The following SNTG1 variants were observed in gnomAD, a reference collection of about 807,000 sequenced individuals.
SNTG1 encodes gamma-1-syntrophin.
In SNTG1, 39 loss-of-function variants were observed where a neutral mutation model predicts 74.7. The observed-to-expected ratio is 0.52, with a 90% CI of 0.40 to 0.68. SNTG1 has a LOEUF of 0.68. SNTG1 is among the 30% of genes least tolerant of loss of function. The pLI is 0.00. For missense variants in SNTG1, 685 were observed against 609.5 expected, an observed-to-expected ratio of 1.12 and a Z score of -1.30; for synonymous variants, 254 against 217.1, an observed-to-expected ratio of 1.17 and a Z score of -1.49.
chr8:50,577,461 G>GA (rs2094583395), intron 12 of SNTG1, among the ~76,000 whole-genome samples: 1 of 130,632 alleles, frequency 7.7e-6, no homozygotes, highest in Non-Finnish European at 1.7e-5. Context: ...TTTTTTTTTT[G>GA]TTTTTTTTTT....
At chr8:50,666,599 A>G (rs1278718463) in intron 15 of SNTG1, among the ~76,000 whole-genome samples, 1 of 152,106 alleles carries the variant, frequency 6.6e-6, no homozygotes, top group East Asian at 1.9e-4. Flanking sequence ...CCATGTCAGG[A>G]GTTTCTATAT....
At chr8:50,304,604 T>C (rs1259382676) in intron 2 of SNTG1, among the ~76,000 whole-genome samples, 1 of 152,086 alleles carries the variant, frequency 6.6e-6, no homozygotes, top group Admixed American at 6.6e-5. Context: ...ACAAACATGA[T>C]ATTTGACAAA....
intron 2 of SNTG1, among the ~76,000 whole-genome samples, chr8:50,283,780 T>A (rs559490352): frequency 6.6e-6 from 1 of 152,304 alleles, no homozygotes; most frequent in Admixed American, 6.5e-5. Context: ...GATGTAGGCA[T>A]AATATGATAC....
intron 13 of SNTG1, among the ~76,000 whole-genome samples, chr8:50,627,528 T>A (rs1003825811): frequency 6.6e-6 from 1 of 152,118 alleles, no homozygotes; most frequent in Non-Finnish European, 1.5e-5. Context: ...AGGGATAAAT[T>A]TTTGTTCTTT....
At chr8:50,588,700 A>G (rs553727018) in intron 12 of SNTG1, among the ~76,000 whole-genome samples, 1 of 152,284 alleles carries the variant, frequency 6.6e-6, no homozygotes, top group South Asian at 2.1e-4. Context: ...TTCAAGTATA[A>G]AGTATTATGA....
At chr8:50,110,747 A>G (rs988217355) in intron 1 of SNTG1, among the ~76,000 whole-genome samples, 19 of 151,950 alleles carry the variant, frequency 1.3e-4, no homozygotes, top group African/African-American at 4.4e-4. Context: ...CATTAATACT[A>G]CTGTAGTGCA....
intron 9 of SNTG1, among the ~76,000 whole-genome samples, chr8:50,510,919 T>G (rs1302502657): frequency 2.6e-5 from 4 of 152,066 alleles, no homozygotes; most frequent in Admixed American, 2.6e-4. Context: ...ATTTCCTTCA[T>G]TTCTGCTCTG....
chr8:49,959,850 C>T (rs933937095), intron 1 of SNTG1, among the ~76,000 whole-genome samples: 1 of 152,184 alleles, frequency 6.6e-6, no homozygotes. Flanking sequence ...GCATGGCACA[C>T]TTGCTTATCC....
At chr8:50,175,593 T>G (rs1335225780) in intron 2 of SNTG1, among the ~76,000 whole-genome samples, 1 of 152,202 alleles carries the variant, frequency 6.6e-6, no homozygotes, top group African/African-American at 2.4e-5. Flanking sequence ...CAGGGGCTGC[T>G]CTGCATGCTT....
chr8:50,658,970 G>T (rs2095201388), intron 15 of SNTG1, among the ~76,000 whole-genome samples: 1 of 151,354 alleles, frequency 6.6e-6, no homozygotes, highest in African/African-American at 2.4e-5. Flanking sequence ...GTTGAAAGTA[G>T]TCTGAATTTA....
intron 16 of SNTG1, among the ~76,000 whole-genome samples, chr8:50,705,326 T>G (rs1585596617): frequency 6.6e-6 from 1 of 152,178 alleles, no homozygotes; most frequent in Non-Finnish European, 1.5e-5. Context: ...ACTTTTCTGG[T>G]TTTTTTACAG....
chr8:50,332,455 T>A lies in SNTG1; in HGVS notation c.-27-61757T>A, dbSNP rs577077496. 2.8e-3 allele frequency among the ~76,000 whole-genome samples: 433 copies of A among 152,006 alleles called. 2 individuals are homozygous for A. Among genetic ancestry groups the A allele is most frequent in the African/African-American group, 6.8e-3 (282 of 41,464 alleles). On this transcript the variant is annotated intron_variant, in intron 2 of 18. Transcript: ENST00000642720. ...ATTACTTAAGCCTTGTTTTTTTTTT[T>A]AAAATGTGTTTTATAATTAATACTA...
intron 4 of SNTG1, among the ~76,000 whole-genome samples, chr8:50,409,053 T>A (rs1314694343): frequency 8.5e-5 from 13 of 152,222 alleles, no homozygotes; most frequent in Admixed American, 8.5e-4. Context: ...ATAACCCCTA[T>A]CAAATGGGGC....
intron 2 of SNTG1, among the ~76,000 whole-genome samples, chr8:50,335,928 T>C (rs2091127791): frequency 6.6e-6 from 1 of 151,994 alleles, no homozygotes; most frequent in African/African-American, 2.4e-5. Flanking sequence ...AGGTAAGTCA[T>C]GTTATATAGG....
chr8:50,245,154 C>G (rs1044118151), intron 2 of SNTG1, among the ~76,000 whole-genome samples: 1 of 152,128 alleles, frequency 6.6e-6, no homozygotes, highest in Non-Finnish European at 1.5e-5. Flanking sequence ...ATTGTTCTCT[C>G]TCTTCCAAAT....
chr8:50,187,160 A>C (rs1312231376), intron 2 of SNTG1, among the ~76,000 whole-genome samples: 4 of 152,144 alleles, frequency 2.6e-5, no homozygotes, highest in Non-Finnish European at 5.9e-5. Flanking sequence ...AATTAGAAAA[A>C]AACTATTTTA....
chr8:50,746,857 G>A (rs1365860647), intron 17 of SNTG1, among the ~76,000 whole-genome samples: 4 of 146,546 alleles, frequency 2.7e-5, no homozygotes, highest in Non-Finnish European at 4.5e-5. Flanking sequence ...ATATTATATT[G>A]TAAATATATA....
chr8:50,080,146 G>T, intron 1 of SNTG1, among the ~76,000 whole-genome samples: 1 of 151,990 alleles, frequency 6.6e-6, no homozygotes, highest in Admixed American at 6.6e-5. Context: ...AATTATAAAA[G>T]TTTTATTGTG....
intron 2 of SNTG1, among the ~76,000 whole-genome samples, chr8:50,288,801 C>T (rs2088927968): frequency 6.6e-6 from 1 of 152,042 alleles, no homozygotes; most frequent in Admixed American, 6.6e-5. Flanking sequence ...GTACTTAAAG[C>T]TTTATTCTTA....
Sources: allele counts gnomAD v4.1 joint callset (sites outside exome capture counted in the v4.1 genomes callset), GRCh38; gene constraint gnomAD v4.1.1; transcripts MANE v1.5; gene names NCBI Gene and HGNC (gene_info 2026-07-23, HGNC 2026-07-21).